Variants in MNAT1 observed in about 807,000 individuals in gnomAD.
MNAT1 encodes the protein MNAT1 component of CDK activating kinase, also known as CDK-activating kinase assembly factor MAT1.
A neutral mutation model predicts 42.0 loss-of-function variants in MNAT1; 43 were observed. The ratio of observed to expected loss-of-function variants is 1.02; its 90% CI spans 0.80 to 1.32. The LOEUF (loss-of-function observed/expected upper bound fraction) is 1.32. Among genes scored for constraint, MNAT1 ranks in the 40% most tolerant of loss-of-function variants. MNAT1 has a pLI of 0.00. For synonymous variants in MNAT1, 118 were observed against 120.0 expected, an observed-to-expected ratio of 0.98 and a Z score of 0.11; for missense variants, 306 against 350.4, an observed-to-expected ratio of 0.87 and a Z score of 1.01.
chr14:60,936,116 G>C, intron 7 of MNAT1, among the ~76,000 whole-genome samples: 1 of 152,192 alleles, frequency 6.6e-6, no homozygotes, highest in Non-Finnish European at 1.5e-5. Flanking sequence ...CAGTGCGCAT[G>C]TGGGCATGCT....
chr14:60,807,362 A>AG (rs2139344896), intron 3 of MNAT1, among the ~76,000 whole-genome samples: 1 of 152,264 alleles, frequency 6.6e-6, no homozygotes, highest in East Asian at 1.9e-4. Context: ...CCCAAGGGAT[A>AG]GAGCAGAGTT....
chr14:60,959,539 T>C (rs2036550224), intron 7 of MNAT1, among the ~76,000 whole-genome samples: 1 of 151,870 alleles, frequency 6.6e-6, no homozygotes, highest in Non-Finnish European at 1.5e-5. Context: ...ATTACAAACT[T>C]GGGAGTTCCT....
At chr14:60,780,267 T>C in intron 1 of MNAT1, 3 of 1,449,572 alleles carry the variant, frequency 2.1e-6, no homozygotes, top group Non-Finnish European at 2.9e-6. Flanking sequence ...GGTGAGGTCC[T>C]GGAAAGATGA....
chr14:60,780,090 A>T, intron 1 of MNAT1: 1 of 1,458,450 alleles, frequency 6.9e-7, no homozygotes, highest in Non-Finnish European at 9.6e-7. Context: ...CGTGGCATTT[A>T]TCCATCTGAA....
intron 6 of MNAT1, among the ~76,000 whole-genome samples, chr14:60,839,652 C>G (rs2033490434): frequency 6.6e-6 from 1 of 152,230 alleles, no homozygotes; most frequent in Non-Finnish European, 1.5e-5. Flanking sequence ...AGAGCCAGAG[C>G]TATGACACCC....
chr14:60,812,155 A>G, intron 5 of MNAT1, 28 bp downstream of exon 5: 2 of 1,496,146 alleles, frequency 1.3e-6, no homozygotes, highest in Non-Finnish European at 8.9e-7. Context: ...TTGTGATTGT[A>G]AAAAACATTC....
At chr14:60,915,962 A>G (rs1322539554) in intron 7 of MNAT1, among the ~76,000 whole-genome samples, 1 of 152,214 alleles carries the variant, frequency 6.6e-6, no homozygotes, top group Non-Finnish European at 1.5e-5. Flanking sequence ...GAGGAGTTGC[A>G]AGACACATTT....
intron 6 of MNAT1, among the ~76,000 whole-genome samples, chr14:60,871,691 C>T (rs555578290): frequency 7.9e-4 from 120 of 151,748 alleles, no homozygotes; most frequent in Middle Eastern, 3.4e-3. Context: ...GGTGCGATCT[C>T]GGCTCATTGT....
intron 2 of MNAT1, among the ~76,000 whole-genome samples, chr14:60,796,704 A>G (rs1325447372): frequency 2.0e-5 from 3 of 152,200 alleles, no homozygotes; most frequent in African/African-American, 4.8e-5. Context: ...TAAAACAGCT[A>G]TGAACTCTGT....
rs960678331 is a variant in MNAT1 at position 60,946,778 on chromosome 14, C to T, written c.810-21451C>T. Among the ~76,000 whole-genome samples, 17 of 152,030 alleles carry T rather than the reference C, an allele frequency of 1.1e-4. 1 individual carries two copies. Among genetic ancestry groups the T allele is most frequent in the Non-Finnish European group, 1.3e-4 (9 of 67,976 alleles). The stretch of plus-strand genomic sequence containing the variant: ...GTACTATGGGGGTAGGATTTAACAT[C>T]AAATGTTTGATTCTAAAGCTATATG... On this transcript the variant is annotated intron_variant, in intron 7 of 7. Transcript: ENST00000261245.
intron 7 of MNAT1, among the ~76,000 whole-genome samples, chr14:60,946,527 T>A (rs968495225): frequency 3.1e-4 from 47 of 152,128 alleles, no homozygotes; most frequent in African/African-American, 1.1e-3. Context: ...TTTGTTTTTG[T>A]TTTTGTTTTT....
In MNAT1 at chr14:60,847,927, G is replaced by GT. The variant is rs373537850; in HGVS notation, c.687+29089dup. Among the ~76,000 whole-genome samples, 892 of 151,300 alleles carry GT rather than the reference G, an allele frequency of 5.9e-3. 1 individual carries two copies. Among genetic ancestry groups the GT allele is most frequent in the East Asian group, 0.025 (130 of 5,150 alleles). On this transcript the variant is annotated intron_variant, in intron 6 of 7. Coordinates refer to ENST00000261245, the MANE Select transcript of MNAT1 (RefSeq NM_002431.4). The stretch of plus-strand genomic sequence containing the variant: ...TAAGATTAACCATACAGTTTTACAG[G>GT]TTTTTTTTTGTAGCTGTTTTGTAAA...
At chr14:60,896,525 G>C (rs1438230766) in intron 7 of MNAT1, among the ~76,000 whole-genome samples, 1 of 151,978 alleles carries the variant, frequency 6.6e-6, no homozygotes, top group Non-Finnish European at 1.5e-5. Context: ...AGTCTCTATT[G>C]CCCAAACTAG....
At chr14:60,865,434 T>A (rs1450796734) in intron 6 of MNAT1, among the ~76,000 whole-genome samples, 2 of 152,240 alleles carry the variant, frequency 1.3e-5, no homozygotes, top group African/African-American at 4.8e-5. Flanking sequence ...TGCCTGAAAG[T>A]TTTTACAGAA....
intron 7 of MNAT1, among the ~76,000 whole-genome samples, chr14:60,909,800 G>C (rs1189931372): frequency 1.3e-5 from 2 of 152,016 alleles, no homozygotes; most frequent in Non-Finnish European, 2.9e-5. Context: ...TTGACTTGGC[G>C]ATGCGGGCTC....
intron 5 of MNAT1, among the ~76,000 whole-genome samples, chr14:60,816,680 C>A (rs1378013729): frequency 1.3e-5 from 2 of 151,974 alleles, no homozygotes; most frequent in Non-Finnish European, 2.9e-5. Flanking sequence ...GCTAAATCTG[C>A]ATGTTAGATA....
intron 7 of MNAT1, among the ~76,000 whole-genome samples, chr14:60,947,162 A>G (rs2036292924): frequency 6.6e-6 from 1 of 152,188 alleles, no homozygotes; most frequent in African/African-American, 2.4e-5. Context: ...TTCAGTACAT[A>G]GCAAATCGTT....
At chr14:60,761,430 C>T (rs541573565) in intron 1 of MNAT1, among the ~76,000 whole-genome samples, 127 of 152,222 alleles carry the variant, frequency 8.3e-4, no homozygotes, top group South Asian at 7.5e-3. Context: ...TATAATTTAC[C>T]TGAGAGCCCT....
intron 6 of MNAT1, among the ~76,000 whole-genome samples, chr14:60,839,611 C>A (rs2033489672): frequency 6.6e-6 from 1 of 152,228 alleles, no homozygotes; most frequent in Non-Finnish European, 1.5e-5. Context: ...AGAGCTGCAG[C>A]TCTGCAGGAA....
Sources: allele counts gnomAD v4.1 joint callset (sites outside exome capture counted in the v4.1 genomes callset), GRCh38; gene constraint gnomAD v4.1.1; transcripts MANE v1.5; gene names NCBI Gene and HGNC (gene_info 2026-07-23, HGNC 2026-07-21).